RCC1L: variants seen among roughly 807,000 people sequenced by gnomAD.
RCC1L encodes the protein RCC1 like, also known as RCC1-like G exchanging factor-like protein.
A neutral mutation model predicts 58.6 loss-of-function variants in RCC1L; 46 were observed. The observed-to-expected ratio is 0.79, with a 90% CI of 0.62 to 1.00. The LOEUF is 1.00. RCC1L is among the 50% of genes least tolerant of loss of function. The pLI is 0.00. For missense variants in RCC1L, 636 were observed against 623.6 expected (o/e 1.02, Z -0.21); for synonymous variants, 281 against 262.9 (o/e 1.07, Z -0.67).
Position 75,058,638 on chromosome 7 carries a change from A to C in RCC1L, c.919T>G (p.Trp307Gly), listed in dbSNP as rs1433568456. The C allele has an allele frequency of 1.9e-6, 3 of 1,613,180 alleles. No individual in the cohort carries two copies. Among genetic ancestry groups the C allele is most frequent in the Non-Finnish European group, 2.5e-6 (3 of 1,179,606 alleles). ...AGCTGCAGGTACTCCGAGTTTCCCC[A>C]ACCAAAAAGTCCTCCGTCGGCGGAC... ...AVSADGGLFG[W>G]GNSEYLQLAS... Residue 307 changes from tryptophan (W) to glycine (G), a missense_variant, in exon 7 of 11, where the codon TGG (tryptophan) becomes GGG (glycine). Transcript: ENST00000610322.
intron 10 of RCC1L, among the ~76,000 whole-genome samples, chr7:75,049,667 TCA>T (rs1805846674): frequency 7.2e-6 from 1 of 139,560 alleles, no homozygotes. Context: ...GACCCTGTTT[TCA>T]AAAAAAAAAA....
chr7:75,056,506 AATG>A (rs1806085985), intron 8 of RCC1L: 1 of 1,498,120 alleles, frequency 6.7e-7, no homozygotes, highest in African/African-American at 1.4e-5. Context: ...AACTCTTAGA[AATG>A]ATGTTTTGGT....
chr7:75,042,231 AAAAGATGTTTTT>A lies in RCC1L; in HGVS notation c.*789_*800del. On this transcript the variant is annotated 3_prime_UTR_variant, in exon 11 of 11. Transcript: ENST00000610322. ...AGACTTTATTCCAAGACAGATTTGT[AAAAGATGTTTTT>A]AAAGGGAAAGGCAAGTCACGCTACT... The A allele has an allele frequency of 2.0e-6, 2 of 985,476 alleles. No individual in the cohort carries two copies. The highest frequency in any genetic ancestry group is 2.4e-6 in the Non-Finnish European group (2 of 829,938). 61.0% of individuals were successfully genotyped at this position (985,476 alleles called of 1,614,324 possible).
intron 10 of RCC1L, among the ~76,000 whole-genome samples, chr7:75,030,677 C>T (rs1805278813): frequency 6.6e-6 from 1 of 152,120 alleles, no homozygotes; most frequent in Non-Finnish European, 1.5e-5. Flanking sequence ...CGCTCGGCTT[C>T]CCCCCAGAGC....
rs1262219214 is a variant in RCC1L at position 75,068,682 on chromosome 7, TCAAA to T, written c.455-1894_455-1891del. On this transcript the variant is annotated intron_variant, in intron 2 of 10. Transcript: ENST00000610322. ...GCCTGGGCGACAGCAAGACTCCATCTCAAACAAACAAACAAAAAAGATATCTGAT... is the reference window on the plus strand; with the variant it reads ...GCCTGGGCGACAGCAAGACTCCATCTCAAACAAACAAAAAAGATATCTGAT... Among the ~76,000 whole-genome samples, 12 of 151,388 alleles carry T rather than the reference TCAAA, an allele frequency of 7.9e-5. No homozygotes were observed. In the East Asian group the frequency reaches 1.8e-3, roughly 22 times the overall value.
At chr7:75,056,602 AT>A in intron 8 of RCC1L, 3 of 1,534,746 alleles carry the variant, frequency 2.0e-6, no homozygotes, top group Non-Finnish European at 2.6e-6. Context: ...TCTGCCTTTG[AT>A]TTTTTGGCTG....
In RCC1L at chr7:75,058,654, G is replaced by A. The variant is rs1255668211; in HGVS notation, c.903C>T (p.Asp301=). 32 of 1,613,710 alleles carry A rather than the reference G, an allele frequency of 2.0e-5. No homozygotes were observed. The highest frequency in any genetic ancestry group is 4.4e-5 in the South Asian group (4 of 91,042). The part of the protein sequence containing the change: ...YGDCCLAVSA[D]GGLFGWGNSE... ...AGTTTCCCCAACCAAAAAGTCCTCCGTCGGCGGACACGGCCAGGCAGCAAT... is the reference window on the plus strand; with the variant it reads ...AGTTTCCCCAACCAAAAAGTCCTCCATCGGCGGACACGGCCAGGCAGCAAT... The change falls in exon 7 of 11, where the codon GAC becomes GAT. Residue 301 remains aspartate (D), a synonymous_variant. Coordinates refer to ENST00000610322, the MANE Select transcript of RCC1L (RefSeq NM_030798.5).
intron 3 of RCC1L, among the ~76,000 whole-genome samples, chr7:75,064,966 C>CAGCGCCTCTGCCCTGTCTGGGAAGTGAGG (rs1806414143): frequency 6.6e-6 from 1 of 152,102 alleles, no homozygotes; most frequent in Non-Finnish European, 1.5e-5. Context: ...CCCCTAAATG[C>CAGCGCCTCTGCCCTGTCTGGGAAGTGAGG]AGCGCCTCTG....
intron 7 of RCC1L, 141 bp downstream of exon 7, chr7:75,058,447 T>C: frequency 9.1e-7 from 1 of 1,099,570 alleles, no homozygotes; most frequent in Non-Finnish European, 1.3e-6. Flanking sequence ...CCCAGGCTGG[T>C]CCTGAACTCC....
downstream of RCC1L, among the ~76,000 whole-genome samples, chr7:75,037,379 G>A (rs1805451948): frequency 2.0e-5 from 3 of 151,206 alleles, no homozygotes; most frequent in Non-Finnish European, 4.4e-5. Flanking sequence ...AGTAGAGACG[G>A]TGTTTCACCA....
chr7:75,053,327 T>C lies in RCC1L; in HGVS notation c.1232-531A>G, dbSNP rs1805978901. Among the ~76,000 whole-genome samples, 9 of 152,186 alleles carry C rather than the reference T, an allele frequency of 5.9e-5. No individual in the cohort carries two copies. The South Asian group carries it at 1.9e-3, about 32-fold the overall frequency. On this transcript the variant is annotated intron_variant, in intron 9 of 10. Transcript: ENST00000610322. Reference sequence around the variant, plus strand: ...GAGGTCACTGATGCACACGGCCCACTCTGCTCACCCCTTGTGCCCCGCCCA... The same window carrying C: ...GAGGTCACTGATGCACACGGCCCACCCTGCTCACCCCTTGTGCCCCGCCCA...
chr7:75,071,953 G>GA (rs1391097891), intron 1 of RCC1L, among the ~76,000 whole-genome samples: 2 of 150,562 alleles, frequency 1.3e-5, no homozygotes, highest in Non-Finnish European at 3.0e-5. Flanking sequence ...CTGTCTCTAT[G>GA]AAAAAATCAA....
At chr7:75,051,878 G>C (rs1805924855) in intron 10 of RCC1L, among the ~76,000 whole-genome samples, 1 of 152,126 alleles carries the variant, frequency 6.6e-6, no homozygotes, top group South Asian at 2.1e-4. Context: ...CTCTGGAAAG[G>C]AACATAAAGA....
intron 6 of RCC1L, 112 bp from the exon 7 acceptor site, chr7:75,058,881 A>G: frequency 7.2e-7 from 1 of 1,385,312 alleles, no homozygotes; most frequent in Non-Finnish European, 1.0e-6. Context: ...ATCAGCTCAG[A>G]AATCCCAGTC....
downstream of RCC1L, among the ~76,000 whole-genome samples, chr7:75,040,141 C>G (rs1805520591): frequency 6.6e-6 from 1 of 152,166 alleles, no homozygotes; most frequent in Non-Finnish European, 1.5e-5. Flanking sequence ...CCTGCTTCTA[C>G]ACTGCTTGCT....
intron 10 of RCC1L, among the ~76,000 whole-genome samples, chr7:75,030,086 A>G (rs1805258196): frequency 6.6e-6 from 1 of 152,262 alleles, no homozygotes; most frequent in Non-Finnish European, 1.5e-5. Flanking sequence ...CATGGCATCC[A>G]GGGACAGCCT....
chr7:75,072,829 T>A (rs1257328987), intron 1 of RCC1L, among the ~76,000 whole-genome samples: 1 of 151,924 alleles, frequency 6.6e-6, no homozygotes, highest in Non-Finnish European at 1.5e-5. Context: ...ATACAAAAAT[T>A]TGCCGGGCTA....
In RCC1L at chr7:75,068,817, C is replaced by T. The variant is rs587682056; in HGVS notation, c.454+1823G>A. ...GAAAAAACAAAAATGAAAGGTTTGT[C>T]CAGTATGTACTTCTGGGTAATTTCC... On this transcript the variant is annotated intron_variant, in intron 2 of 10. Transcript: ENST00000610322. Among the ~76,000 whole-genome samples, 93 of 152,158 alleles carry T rather than the reference C, an allele frequency of 6.1e-4. 4 individuals are homozygous for T. In the South Asian group the frequency reaches 0.018, roughly 30 times the overall value.
rs895064694 is a variant in RCC1L, at chr7:75,048,419, G to A, written c.1317+4292C>T. 6.4e-4 allele frequency among the ~76,000 whole-genome samples: 98 copies of A among 152,324 alleles called. 4 individuals carry two copies. In the South Asian group the frequency reaches 0.019, roughly 30 times the overall value. ...AGGGCCCACGGGGAGGGGAAGCACC[G>A]TCTACAGGCAGAGTCGCAAGTTCAA... On this transcript the variant is annotated intron_variant, in intron 10 of 10. Transcript: ENST00000610322.
Sources: allele counts gnomAD v4.1 joint callset (sites outside exome capture counted in the v4.1 genomes callset), GRCh38; gene constraint gnomAD v4.1.1; transcripts MANE v1.5; gene names NCBI Gene and HGNC (gene_info 2026-07-23, HGNC 2026-07-21).